The following STARD13 variants were observed in gnomAD, a reference collection of about 807,000 sequenced individuals.
STARD13 encodes the protein StAR related lipid transfer domain containing 13, also known as stAR-related lipid transfer protein 13.
Under a neutral mutation model 106.4 loss-of-function variants are expected in STARD13, and 62 were observed. The ratio of observed to expected loss-of-function variants is 0.58; its 90% CI spans 0.48 to 0.72. The LOEUF is 0.72. Among genes scored for constraint, STARD13 ranks in the 30% least tolerant of loss-of-function variants. STARD13 has a pLI of 0.00. For synonymous variants in STARD13, 565 were observed against 553.0 expected (o/e 1.02, Z -0.31); for missense variants, 1,387 against 1,424.0 (o/e 0.97, Z 0.42).
chr13:33,203,216 G>A lies in STARD13; in HGVS notation c.170-35594C>T, dbSNP rs549433094. On this transcript the variant is annotated intron_variant, in intron 1 of 13. Transcript: ENST00000336934. ...CACACCTGTGTTCACAGAACAGGGTGCGTGGTGATTCTCTGTACTGGCAGG... is the reference window on the plus strand; with the variant it reads ...CACACCTGTGTTCACAGAACAGGGTACGTGGTGATTCTCTGTACTGGCAGG... Among the ~76,000 whole-genome samples, 5 of 140,956 alleles carry A rather than the reference G, an allele frequency of 3.5e-5. No homozygotes were observed. The East Asian group carries it at 1.1e-3, about 30-fold the overall frequency. The allele number at this position is 140,956 out of a possible 152,430, so 92.5% of individuals were successfully genotyped here.
chr13:33,638,725 A>C, the STARD13 span, among the ~76,000 whole-genome samples: 1 of 152,212 alleles, frequency 6.6e-6, no homozygotes, highest in Admixed American at 6.5e-5. Context: ...ATAATGAGGC[A>C]TGTCTGACCC....
chr13:33,378,942 T>A, the STARD13 span, among the ~76,000 whole-genome samples: 1 of 152,076 alleles, frequency 6.6e-6, no homozygotes, highest in East Asian at 1.9e-4. Flanking sequence ...GAGCCCCGTC[T>A]CTACCAAAAA....
upstream of STARD13, among the ~76,000 whole-genome samples, chr13:33,351,307 G>A (rs745329588): frequency 3.3e-5 from 5 of 152,178 alleles, no homozygotes; most frequent in Non-Finnish European, 7.3e-5. Flanking sequence ...AAAGAAGTAC[G>A]TATTATGAAG....
At chr13:33,367,163 T>C in the STARD13 span, among the ~76,000 whole-genome samples, 1 of 152,248 alleles carries the variant, frequency 6.6e-6, no homozygotes, top group Admixed American at 6.5e-5. Context: ...GGGAAAAGCA[T>C]ATTTTTTATC....
At chr13:33,153,547 C>T (rs988388225) in intron 3 of STARD13, among the ~76,000 whole-genome samples, 1 of 152,120 alleles carries the variant, frequency 6.6e-6, no homozygotes, top group Non-Finnish European at 1.5e-5. Flanking sequence ...CGGGCCCAGA[C>T]CAGCAGGGGC....
the STARD13 span, among the ~76,000 whole-genome samples, chr13:33,496,867 T>C: frequency 1.5e-4 from 23 of 152,156 alleles, no homozygotes; most frequent in Non-Finnish European, 2.5e-4. Context: ...AAAATCTTTA[T>C]ATAGTTTCGT....
chr13:33,644,090 C>G, the STARD13 span, among the ~76,000 whole-genome samples: 1 of 152,182 alleles, frequency 6.6e-6, no homozygotes, highest in Non-Finnish European at 1.5e-5. Context: ...AGGATGGGAG[C>G]TGAACCTGCA....
the STARD13 span, among the ~76,000 whole-genome samples, chr13:33,440,563 C>A: frequency 6.6e-6 from 1 of 151,386 alleles, no homozygotes; most frequent in East Asian, 2.0e-4. Context: ...GTGGGCTCTC[C>A]TTTTGCTTGT....
downstream of STARD13, among the ~76,000 whole-genome samples, chr13:33,345,140 G>C (rs553333772): frequency 6.6e-6 from 1 of 152,202 alleles, no homozygotes; most frequent in Non-Finnish European, 1.5e-5. Flanking sequence ...TCTCATTCTT[G>C]TAGCTCTCCC....
chr13:33,160,403 T>C (rs1408008756), intron 3 of STARD13, among the ~76,000 whole-genome samples: 2 of 152,180 alleles, frequency 1.3e-5, no homozygotes, highest in East Asian at 3.9e-4. Context: ...ATTTCTTAGA[T>C]ATGACATTAA....
chr13:33,459,731 AT>A, the STARD13 span, among the ~76,000 whole-genome samples: 1 of 152,180 alleles, frequency 6.6e-6, no homozygotes, highest in Non-Finnish European at 1.5e-5. Context: ...TTTAACATTT[AT>A]TGTAGAACAA....
chr13:33,602,385 C>T, the STARD13 span, among the ~76,000 whole-genome samples: 2 of 152,208 alleles, frequency 1.3e-5, no homozygotes, highest in Non-Finnish European at 2.9e-5. Flanking sequence ...GCCACCAAAA[C>T]ACCTAGTAAT....
the STARD13 span, among the ~76,000 whole-genome samples, chr13:33,504,108 G>T: frequency 9.9e-5 from 15 of 152,196 alleles, no homozygotes; most frequent in South Asian, 3.1e-3. Flanking sequence ...GGAAACAATG[G>T]GTGCTGGAGC....
At chr13:33,263,030 C>T (rs1475448337) in intron 1 of STARD13, among the ~76,000 whole-genome samples, 2 of 152,180 alleles carry the variant, frequency 1.3e-5, no homozygotes, top group Non-Finnish European at 2.9e-5. Flanking sequence ...TCTGGCTCAT[C>T]ACTTACTAGT....
intron 1 of STARD13, among the ~76,000 whole-genome samples, chr13:33,302,477 G>A (rs1003002945): frequency 6.6e-6 from 1 of 152,008 alleles, no homozygotes; most frequent in Non-Finnish European, 1.5e-5. Flanking sequence ...GTGCAGTGGC[G>A]TGATCATGGC....
the STARD13 span, among the ~76,000 whole-genome samples, chr13:33,583,465 A>T: frequency 6.6e-6 from 1 of 152,092 alleles, no homozygotes; most frequent in Non-Finnish European, 1.5e-5. Flanking sequence ...GTCTTTGCAA[A>T]ACTCCGTCTT....
chr13:33,317,545 CT>C (rs1450781314), intron 1 of STARD13, among the ~76,000 whole-genome samples: 1 of 152,172 alleles, frequency 6.6e-6, no homozygotes, highest in Non-Finnish European at 1.5e-5. Flanking sequence ...ACTCATCCCC[CT>C]GATCTAAGAG....
At chr13:33,453,626 T>C in the STARD13 span, among the ~76,000 whole-genome samples, 1 of 152,242 alleles carries the variant, frequency 6.6e-6, no homozygotes, top group African/African-American at 2.4e-5. Flanking sequence ...AGAGCCACTC[T>C]TTTATCTGTG....
At chr13:33,198,973 C>G (rs17695516) in intron 1 of STARD13, among the ~76,000 whole-genome samples, 15,086 of 152,240 alleles carry the variant, frequency 0.099, 885 homozygotes, top group East Asian at 0.31. Context: ...TTCCAATCGC[C>G]TTTCCCAATG....
Sources: gnomAD v4.1 joint callset for allele counts (sites outside exome capture counted in the v4.1 genomes callset) on GRCh38, gnomAD v4.1.1 for gene constraint, MANE v1.5 for transcripts, NCBI Gene and HGNC (gene_info 2026-07-23, HGNC 2026-07-21) for gene names.